CUBN: variants seen among roughly 807,000 people sequenced by gnomAD.
The protein encoded by CUBN is cubilin.
Under a neutral mutation model 405.3 loss-of-function variants are expected in CUBN, and 282 were observed. That is an observed-to-expected ratio of 0.70 (90% CI 0.63 to 0.77). CUBN has a LOEUF of 0.77. Ranked by LOEUF, CUBN falls within the 30% of genes least tolerant of loss-of-function variation. CUBN has a pLI of 0.00. For missense variants in CUBN, 4,514 were observed against 4,475.2 expected, an observed-to-expected ratio of 1.01 and a Z score of -0.25; for synonymous variants, 1,684 against 1,617.0, an observed-to-expected ratio of 1.04 and a Z score of -0.99.
intron 22 of CUBN, among the ~76,000 whole-genome samples, chr10:17,062,135 T>A (rs536398847): frequency 6.6e-6 from 1 of 152,324 alleles, no homozygotes; most frequent in South Asian, 2.1e-4. Flanking sequence ...ACTCTGATAC[T>A]TTCTCTCCTA....
At chr10:17,109,495 G>T in intron 10 of CUBN, 145 bp downstream of exon 10, 1 of 691,474 alleles carries the variant, frequency 1.4e-6, no homozygotes, top group Non-Finnish European at 2.6e-6. Context: ...AAAGCCAAAT[G>T]TGTAGTTTTA....
chr10:16,961,893 C>T (rs933942054), intron 31 of CUBN, among the ~76,000 whole-genome samples: 47 of 151,944 alleles, frequency 3.1e-4, no homozygotes, highest in Non-Finnish European at 4.0e-4. Context: ...TTTGTATTTT[C>T]AGTAGAGACA....
chr10:17,071,506 G>T lies in CUBN; in HGVS notation c.2545C>A (p.Pro849Thr). Reference protein sequence around the residue: ...ERTCRWTIHQPQSQVILLNFT... With the variant: ...ERTCRWTIHQTQSQVILLNFT... ...TTGAGGAGAATGACTTGGCTTTGGG[G>T]CTGGTGGATGGTCCACCTACAGGTT... Residue 849 changes from proline (P) to threonine (T), a missense_variant, in exon 19 of 67, where the codon CCC becomes ACC. By Grantham distance (38) the Pro-to-Thr change is conservative. This residue lies in a region of CUBN where 1,448 missense variants were observed against 1,388.0 expected (regional missense o/e 1.04). Transcript: ENST00000377833. The T allele has an allele frequency of 6.2e-7, 1 of 1,613,960 alleles. No individual in the cohort carries two copies. The highest frequency in any genetic ancestry group is 8.5e-7 in the Non-Finnish European group (1 of 1,179,926).
intron 28 of CUBN, among the ~76,000 whole-genome samples, chr10:17,005,631 T>C (rs1426112215): frequency 6.6e-6 from 1 of 152,254 alleles, no homozygotes; most frequent in Non-Finnish European, 1.5e-5. Context: ...GGAGGTCTCT[T>C]TGAACTTCCG....
intron 60 of CUBN, among the ~76,000 whole-genome samples, chr10:16,848,913 G>C (rs1490945156): frequency 6.6e-6 from 1 of 151,748 alleles, no homozygotes; most frequent in Non-Finnish European, 1.5e-5. Flanking sequence ...TATGTTGCCA[G>C]GGCTTGTCTC....
At chr10:17,103,727 G>A (rs185405703) in intron 12 of CUBN, among the ~76,000 whole-genome samples, 2 of 152,338 alleles carry the variant, frequency 1.3e-5, no homozygotes, top group East Asian at 3.9e-4. Context: ...GAGTTTAAGT[G>A]AGGGGCAGAA....
At chr10:16,977,065 C>T (rs1001208445) in intron 31 of CUBN, among the ~76,000 whole-genome samples, 3 of 152,128 alleles carry the variant, frequency 2.0e-5, no homozygotes, top group African/African-American at 7.2e-5. Flanking sequence ...GGATTTGTTT[C>T]TATTGTCTCT....
chr10:16,855,093 C>T, intron 59 of CUBN, among the ~76,000 whole-genome samples: 1 of 133,432 alleles, frequency 7.5e-6, no homozygotes. Context: ...CCCTCCCTCC[C>T]TCCTTCCCTT....
chr10:16,958,009 T>C (rs1223509709), intron 31 of CUBN, among the ~76,000 whole-genome samples: 2 of 152,164 alleles, frequency 1.3e-5, no homozygotes, highest in African/African-American at 4.8e-5. Context: ...AAGGAATAAG[T>C]ACATATTGTT....
At chr10:17,008,266 T>TGG (rs1554809170) in intron 28 of CUBN, among the ~76,000 whole-genome samples, 1 of 143,288 alleles carries the variant, frequency 7.0e-6, no homozygotes, top group Non-Finnish European at 1.5e-5. Flanking sequence ...TGTGTGTGTG[T>TGG]GGTGTGTCTC....
In CUBN at chr10:17,099,125, T is replaced by C. The variant is rs117001703; in HGVS notation, c.1765+880A>G. Among the ~76,000 whole-genome samples the C allele has an allele frequency of 4.5e-4, 69 of 152,242 alleles. No individual in the cohort carries two copies. The East Asian group carries it at 0.013, about 28-fold the overall frequency. ...AAATTACACTCTCAGATTTCAAGCA[T>C]CAGAAGTTAAGCCTAGGTAGCATCA... On this transcript the variant is annotated intron_variant, in intron 14 of 66. Coordinates refer to ENST00000377833, the MANE Select transcript of CUBN (RefSeq NM_001081.4).
In CUBN at chr10:16,831,866, G is replaced by A. The variant is rs117423286; in HGVS notation, c.10363-449C>T. ...TGTTTGTGTATGTGTGTGTGTGCAC[G>A]TGTTTCCCATTGAAAATTACTTGGC... On this transcript the variant is annotated intron_variant, in intron 64 of 66. Transcript: ENST00000377833. Among the ~76,000 whole-genome samples the A allele has an allele frequency of 3.5e-4, 53 of 152,228 alleles. 1 individual carries two copies. The East Asian group carries it at 8.7e-3, about 25-fold the overall frequency.
At chr10:16,979,335 A>G (rs1226693305) in intron 31 of CUBN, among the ~76,000 whole-genome samples, 1 of 152,210 alleles carries the variant, frequency 6.6e-6, no homozygotes, top group East Asian at 1.9e-4. Context: ...GGAATTAGAA[A>G]AAAAACTCTA....
Position 16,895,485 on chromosome 10 carries a change from G to A in CUBN, c.8598+3511C>T, listed in dbSNP as rs545350420. Reference sequence around the variant, plus strand: ...TGTTCTATCAATTACTGAGAGGAGAGTGTTGAAGTCCTCAGCTATAACCGA... The same window carrying A: ...TGTTCTATCAATTACTGAGAGGAGAATGTTGAAGTCCTCAGCTATAACCGA... On this transcript the variant is annotated intron_variant, in intron 54 of 66. Coordinates refer to ENST00000377833, the MANE Select transcript of CUBN (RefSeq NM_001081.4). Among the ~76,000 whole-genome samples, 3 of 152,276 alleles carry A rather than the reference G, an allele frequency of 2.0e-5. No individual in the cohort carries two copies. The East Asian group carries it at 5.8e-4, about 29-fold the overall frequency.
At chr10:16,951,313 A>T (rs774859399) in intron 33 of CUBN, among the ~76,000 whole-genome samples, 1 of 152,240 alleles carries the variant, frequency 6.6e-6, no homozygotes, top group Non-Finnish European at 1.5e-5. Flanking sequence ...TGAAGATACT[A>T]GCAATTTGTT....
chr10:17,100,431 T>C (rs1351573206), intron 13 of CUBN, among the ~76,000 whole-genome samples, 192 bp from the exon 14 acceptor site: 1 of 152,160 alleles, frequency 6.6e-6, no homozygotes, highest in Non-Finnish European at 1.5e-5. Flanking sequence ...AAAACAAACT[T>C]CAACTAATAT....
At chr10:17,053,918 A>C (rs1835326814) in intron 22 of CUBN, among the ~76,000 whole-genome samples, 2 of 152,166 alleles carry the variant, frequency 1.3e-5, no homozygotes, top group African/African-American at 4.8e-5. Context: ...AGACATCTAG[A>C]AAACCTGCAA....
chr10:16,882,701 G>A (rs1005067154), intron 56 of CUBN, among the ~76,000 whole-genome samples: 5 of 152,170 alleles, frequency 3.3e-5, no homozygotes, highest in African/African-American at 1.2e-4. Flanking sequence ...ATAAGATCAA[G>A]TATTTTCAGG....
intron 48 of CUBN, among the ~76,000 whole-genome samples, chr10:16,909,174 C>T (rs1313014885): frequency 1.3e-5 from 2 of 152,094 alleles, no homozygotes; most frequent in Non-Finnish European, 2.9e-5. Context: ...CGTGAGCCAC[C>T]GCGCCCGGCC....
Sources: allele counts gnomAD v4.1 joint callset (sites outside exome capture counted in the v4.1 genomes callset), GRCh38; gene constraint gnomAD v4.1.1; regional missense constraint gnomAD v4.1.1; transcripts MANE v1.5; gene names NCBI Gene and HGNC (gene_info 2026-07-23, HGNC 2026-07-21).